Variants in LTBP1 observed in about 807,000 individuals in gnomAD.
The protein encoded by LTBP1 is latent-transforming growth factor beta-binding protein 1.
A neutral mutation model predicts 207.6 loss-of-function variants in LTBP1; 129 were observed. The ratio of observed to expected loss-of-function variants is 0.62; its 90% CI spans 0.54 to 0.72. The LOEUF (loss-of-function observed/expected upper bound fraction) is 0.72, where lower values mean the gene tolerates loss of function less well. Ranked by LOEUF, LTBP1 falls within the 30% of genes least tolerant of loss-of-function variation. LTBP1 has a pLI of 0.00. For synonymous variants in LTBP1, 963 were observed against 833.7 expected, an observed-to-expected ratio of 1.16 and a Z score of -2.67; for missense variants, 2,281 against 2,217.2, an observed-to-expected ratio of 1.03 and a Z score of -0.58.
chr2:33,091,511 T>G (rs1165443166), intron 3 of LTBP1, among the ~76,000 whole-genome samples: 1 of 152,190 alleles, frequency 6.6e-6, no homozygotes, highest in Admixed American at 6.5e-5. Flanking sequence ...CTGTACTCTC[T>G]TCACTATTCT....
chr2:33,190,794 G>C (rs1421084419), intron 7 of LTBP1, among the ~76,000 whole-genome samples: 1 of 152,128 alleles, frequency 6.6e-6, no homozygotes, highest in Non-Finnish European at 1.5e-5. Flanking sequence ...GGACAGCATC[G>C]ATCCCACAAA....
chr2:33,056,982 C>T (rs966316771), intron 3 of LTBP1, among the ~76,000 whole-genome samples: 2 of 152,134 alleles, frequency 1.3e-5, no homozygotes, highest in African/African-American at 4.8e-5. Flanking sequence ...GGTGCGTTTA[C>T]AATCCCTGAG....
Position 33,274,951 on chromosome 2 carries a change from AT to A in LTBP1, c.2744-9del, listed in dbSNP as rs527433703. Reference sequence around the variant, plus strand: ...ACACAGAACTAATATTTTTATATGTATTTTTGTTAACAGATATTGATGAGTG... The same window carrying A: ...ACACAGAACTAATATTTTTATATGTATTTTGTTAACAGATATTGATGAGTG... On this transcript the variant is annotated splice_polypyrimidine_tract_variant and intron_variant, in intron 16 of 33. Transcript: ENST00000404816. The A allele has an allele frequency of 5.0e-5, 81 of 1,612,778 alleles. 1 individual carries two copies. The highest frequency in any genetic ancestry group is 6.4e-5 in the Non-Finnish European group (76 of 1,179,216).
At chr2:33,188,054 T>G (rs549487314) in intron 6 of LTBP1, among the ~76,000 whole-genome samples, 1 of 152,216 alleles carries the variant, frequency 6.6e-6, no homozygotes, top group African/African-American at 2.4e-5. Flanking sequence ...AAGTTTTAAT[T>G]TCTCTCTATA....
intron 2 of LTBP1, among the ~76,000 whole-genome samples, chr2:32,994,835 C>G (rs1685004846): frequency 6.6e-6 from 1 of 152,158 alleles, no homozygotes; most frequent in African/African-American, 2.4e-5. Context: ...TTCCAGTTCT[C>G]AGGCTACATC....
intron 3 of LTBP1, among the ~76,000 whole-genome samples, chr2:33,084,745 T>C (rs2078652383): frequency 6.6e-6 from 1 of 152,196 alleles, no homozygotes; most frequent in South Asian, 2.1e-4. Context: ...ATTCAGATTG[T>C]ACCACCTGAC....
chr2:33,134,371 G>T lies in LTBP1; in HGVS notation c.1034-422G>T, dbSNP rs996811331. 1.3e-5 allele frequency: 6 copies of T among 475,566 alleles called. No homozygotes were observed. The highest frequency in any genetic ancestry group is 8.0e-5 in the African/African-American group (4 of 50,250). 29.5% of individuals were successfully genotyped at this position (475,566 alleles called of 1,614,324 possible). A position where few individuals can be genotyped will look rare whatever the true frequency, so the allele number is the denominator to read the frequency against. On this transcript the variant is annotated intron_variant, in intron 4 of 33. Coordinates refer to ENST00000404816, the MANE Select transcript of LTBP1 (RefSeq NM_206943.4). The surrounding 1 kb of genome is among the most constrained non-coding windows in gnomAD (Gnocchi z 4.4). Reference sequence around the variant, plus strand: ...AAACAGGGAAAGTATGCAAGTTGAGGACACAAGAGTTTATTCACCGCTAGG... The same window carrying T: ...AAACAGGGAAAGTATGCAAGTTGAGTACACAAGAGTTTATTCACCGCTAGG...
rs200929977 is a variant in LTBP1, at chr2:33,320,404, A to AG, written c.3730+5135_3730+5136insG. 5.4e-3 allele frequency among the ~76,000 whole-genome samples: 824 copies of AG among 152,044 alleles called. 14 individuals carry two copies. Among genetic ancestry groups the AG allele is most frequent in the African/African-American group, 0.019 (788 of 41,416 alleles). ...AGCGTGATAAACTCTGTGAAAAAAA[A>AG]AAAAAAAGAAAAGGTAGAGCACAAT... On this transcript the variant is annotated intron_variant, in intron 24 of 33. Transcript: ENST00000404816.
At chr2:33,045,881 G>T (rs530683556) in intron 3 of LTBP1, among the ~76,000 whole-genome samples, 1 of 152,190 alleles carries the variant, frequency 6.6e-6, no homozygotes, top group South Asian at 2.1e-4. Flanking sequence ...TAGCAATTTT[G>T]AATGGGAGTT....
chr2:33,188,508 T>C (rs1043744835), intron 6 of LTBP1, 69 bp from the exon 7 acceptor site: 85 of 1,313,386 alleles, frequency 6.5e-5, no homozygotes, highest in African/African-American at 1.6e-4. Flanking sequence ...TTTACTTTCA[T>C]GTTTTAAAAC....
At chr2:33,043,572 G>T (rs2076297946) in intron 3 of LTBP1, among the ~76,000 whole-genome samples, 1 of 152,054 alleles carries the variant, frequency 6.6e-6, no homozygotes, top group Non-Finnish European at 1.5e-5. Flanking sequence ...AGTGTTTCAG[G>T]CTAGAATGGC....
chr2:33,341,727 A>ATAT (rs1285574448), intron 24 of LTBP1, among the ~76,000 whole-genome samples: 517 of 89,544 alleles, frequency 5.8e-3, no homozygotes, highest in African/African-American at 0.026. Flanking sequence ...AAAAAAAAAA[A>ATAT]AAATATATAT....
chr2:33,062,982 G>A (rs1474343064), intron 3 of LTBP1: 1 of 152,194 alleles, frequency 6.6e-6, no homozygotes, highest in Non-Finnish European at 1.5e-5. Context: ...CTTCTGAATT[G>A]TTTATGTCCA....
chr2:33,277,795 T>TTCTTTCTTTC (rs1394277684), intron 18 of LTBP1, among the ~76,000 whole-genome samples: 28 of 108,010 alleles, frequency 2.6e-4, no homozygotes, highest in African/African-American at 1.1e-3. Context: ...CTTTCTTTCT[T>TTCTTTCTTTC]TCTCTCTCTC....
At chr2:33,223,484 G>A (rs1400210794) in intron 9 of LTBP1, among the ~76,000 whole-genome samples, 1 of 152,030 alleles carries the variant, frequency 6.6e-6, no homozygotes, top group Non-Finnish European at 1.5e-5. Flanking sequence ...TAGTAACATG[G>A]GAATAGTGGA....
chr2:33,283,427 CTTTTTTTTT>C (rs763384851), intron 19 of LTBP1, among the ~76,000 whole-genome samples: 4 of 68,872 alleles, frequency 5.8e-5, no homozygotes, highest in Admixed American at 2.3e-4. Flanking sequence ...ACATTAAAGA[CTTTTTTTTT>C]TTTTTTTTTT....
chr2:33,225,559 T>C (rs1163597218), intron 9 of LTBP1, among the ~76,000 whole-genome samples: 3 of 152,108 alleles, frequency 2.0e-5, no homozygotes, highest in African/African-American at 7.2e-5. Context: ...CTTGTGAAAC[T>C]TACTCACTAC....
At chr2:33,167,636 C>A (rs1177239845) in intron 5 of LTBP1, among the ~76,000 whole-genome samples, 1 of 152,168 alleles carries the variant, frequency 6.6e-6, no homozygotes, top group African/African-American at 2.4e-5. Flanking sequence ...GGAAAGAGGT[C>A]ATGCTTCAGC....
chr2:33,182,287 G>A (rs1369017672), intron 5 of LTBP1, among the ~76,000 whole-genome samples: 1 of 152,022 alleles, frequency 6.6e-6, no homozygotes, highest in Non-Finnish European at 1.5e-5. Flanking sequence ...ATGAAACTAA[G>A]TTCATGATAG....
Sources: allele counts gnomAD v4.1 joint callset (sites outside exome capture counted in the v4.1 genomes callset), GRCh38; gene constraint gnomAD v4.1.1; non-coding constraint Gnocchi (gnomAD v3.1); transcripts MANE v1.5; gene names NCBI Gene and HGNC (gene_info 2026-07-23, HGNC 2026-07-21).